Variants in ZNF320 observed in about 807,000 individuals in gnomAD.
ZNF320 encodes zinc finger gene 320.
A neutral mutation model predicts 6.8 loss-of-function variants in ZNF320; 2 were observed. The ratio of observed to expected loss-of-function variants is 0.29; its 90% CI spans 0.12 to 0.93. ZNF320 has a LOEUF of 0.93. Among genes scored for constraint, ZNF320 ranks in the 40% least tolerant of loss-of-function variants. The pLI is 0.55. For synonymous variants in ZNF320, 208 were observed against 203.2 expected (o/e 1.02, Z -0.20); for missense variants, 472 against 611.0 (o/e 0.77, Z 2.40).
At chr19:52,885,725 AAAT>A (rs1476993667) in intron 5 of ZNF320, among the ~76,000 whole-genome samples, 1 of 150,298 alleles carries the variant, frequency 6.7e-6, no homozygotes, top group African/African-American at 2.4e-5. Flanking sequence ...TCAAAAAAAT[AAAT>A]AAATAAATAA....
chr19:52,889,881 C>G (rs939058840), intron 4 of ZNF320, among the ~76,000 whole-genome samples: 1 of 152,108 alleles, frequency 6.6e-6, no homozygotes. Flanking sequence ...TATGTGACTT[C>G]CATTGGCAGC....
At chr19:52,899,606 G>A (rs1375605656), upstream of ZNF320, among the ~76,000 whole-genome samples, 1 of 152,082 alleles carries the variant, frequency 6.6e-6, no homozygotes, top group Non-Finnish European at 1.5e-5. Context: ...GGGACTACAG[G>A]TGCTGCCACC....
intron 1 of ZNF320, among the ~76,000 whole-genome samples, chr19:52,896,880 A>G (rs1470638881): frequency 6.6e-6 from 1 of 152,132 alleles, no homozygotes. Flanking sequence ...TCCTTCCACC[A>G]CGTCTCAGAA....
Position 52,876,977 on chromosome 19 carries a change from C to A in ZNF320, c.*3619G>T, listed in dbSNP as rs1445752218. On this transcript the variant is annotated 3_prime_UTR_variant, in exon 6 of 6. Coordinates refer to ENST00000682928, the MANE Select transcript of ZNF320 (RefSeq NM_001351774.2). Reference sequence around the variant, plus strand: ...CAAAAATTTGCCCGGTGCGGTGGCACCTGGCTATGGTCCTAGCAACTTTGG... The same window carrying A: ...CAAAAATTTGCCCGGTGCGGTGGCAACTGGCTATGGTCCTAGCAACTTTGG... The A allele has an allele frequency of 6.6e-6, 1 of 152,088 alleles. No homozygotes were observed. The highest frequency in any genetic ancestry group is 2.4e-5 in the African/African-American group (1 of 41,406). The allele number at this position is 152,088 out of a possible 1,614,324, so 9.4% of individuals were successfully genotyped here. A position where few individuals can be genotyped will look rare whatever the true frequency, so the allele number is the denominator to read the frequency against.
upstream of ZNF320, among the ~76,000 whole-genome samples, chr19:52,899,011 A>G (rs568727932): frequency 4.1e-4 from 62 of 152,060 alleles, no homozygotes; most frequent in Non-Finnish European, 7.1e-4. Context: ...CTTCTTTTTG[A>G]GAGTCTCACT....
chr19:52,866,371 G>T (rs1311293207), intron 5 of ZNF320, among the ~76,000 whole-genome samples: 1 of 151,564 alleles, frequency 6.6e-6, no homozygotes, highest in Admixed American at 6.6e-5. Flanking sequence ...AACCCCTCCT[G>T]CAGGAACCCT....
At chr19:52,871,040 G>A (rs776443811) in intron 5 of ZNF320, among the ~76,000 whole-genome samples, 54 of 152,006 alleles carry the variant, frequency 3.6e-4, no homozygotes, top group East Asian at 1.9e-4. Context: ...CCAGCTACTC[G>A]GGAGGCTGAG....
In ZNF320 at chr19:52,881,457, G is replaced by T; in HGVS notation, c.669C>A (p.Gly223=). ...GGGTTGCTTTTTGATCAAAAACCTT[G>T]CCACATTCATTACATGTGTAATGTT... ...GDKHYTCNEC[G]KVFDQKATLA... Residue 223 remains glycine, a synonymous_variant, in exon 6 of 6, where the codon GGC becomes GGA. Coordinates refer to ENST00000682928, the MANE Select transcript of ZNF320 (RefSeq NM_001351774.2). 1 of 1,614,042 alleles carries T rather than the reference G, an allele frequency of 6.2e-7. No individual in the cohort carries two copies. Among genetic ancestry groups the T allele is most frequent in the Non-Finnish European group, 8.5e-7 (1 of 1,180,004 alleles).
chr19:52,879,913 A>G lies in ZNF320; in HGVS notation c.*683T>C, dbSNP rs2063862234. On this transcript the variant is annotated 3_prime_UTR_variant, in exon 6 of 6. Coordinates refer to ENST00000682928, the MANE Select transcript of ZNF320 (RefSeq NM_001351774.2). Reference sequence around the variant, plus strand: ...GAAGTTTCTACCTTCAAATCTACAAACATTGATCAAAGTGATAAAAACATG... The same window carrying G: ...GAAGTTTCTACCTTCAAATCTACAAGCATTGATCAAAGTGATAAAAACATG... The G allele has an allele frequency of 6.6e-6, 1 of 152,256 alleles. No homozygotes were observed. The highest frequency in any genetic ancestry group is 1.5e-5 in the Non-Finnish European group (1 of 68,046). 9.4% of individuals were successfully genotyped at this position (152,256 alleles called of 1,614,324 possible). A position where few individuals can be genotyped will look rare whatever the true frequency, so the allele number is the denominator to read the frequency against.
At chr19:52,883,242 A>G (rs1410212798) in intron 5 of ZNF320, among the ~76,000 whole-genome samples, 1 of 151,686 alleles carries the variant, frequency 6.6e-6, no homozygotes, top group African/African-American at 2.4e-5. Flanking sequence ...GGCTTTCACC[A>G]TGTTGGCCAG....
intron 5 of ZNF320, among the ~76,000 whole-genome samples, chr19:52,882,547 T>G (rs2063954390): frequency 6.6e-6 from 1 of 152,184 alleles, no homozygotes; most frequent in Non-Finnish European, 1.5e-5. Context: ...CTCAGGAGGC[T>G]TAGGCACAAG....
chr19:52,890,933 T>C (rs763860838), intron 3 of ZNF320, among the ~76,000 whole-genome samples: 2 of 151,948 alleles, frequency 1.3e-5, no homozygotes, highest in Non-Finnish European at 2.9e-5. Context: ...GGTGGATTAC[T>C]TGAGGTCAGG....
At chr19:52,860,601 A>AAAAAG (rs917786350), downstream of ZNF320, among the ~76,000 whole-genome samples, 1 of 151,724 alleles carries the variant, frequency 6.6e-6, no homozygotes, top group Non-Finnish European at 1.5e-5. Context: ...CGGCATCAAA[A>AAAAAG]AAAAAAAAAG....
At chr19:52,893,464 G>A (rs566764589) in intron 2 of ZNF320, 21 of 151,978 alleles carry the variant, frequency 1.4e-4, no homozygotes, top group African/African-American at 1.9e-4. Flanking sequence ...TTTGGCCAGC[G>A]TGGTGAAACC....
At chr19:52,900,708 ATT>A (rs113798357), upstream of ZNF320, among the ~76,000 whole-genome samples, 12 of 147,776 alleles carry the variant, frequency 8.1e-5, no homozygotes, top group South Asian at 2.1e-4. Context: ...CTTAATTTAC[ATT>A]TTTTTTTTAA....
At chr19:52,893,525 T>A (rs1467215164) in intron 2 of ZNF320, 1 of 152,222 alleles carries the variant, frequency 6.6e-6, no homozygotes, top group Admixed American at 6.5e-5. Flanking sequence ...CACGCCCCTG[T>A]TGTCCCAGCT....
At chr19:52,868,512 A>C (rs1408981140) in intron 5 of ZNF320, among the ~76,000 whole-genome samples, 1 of 152,054 alleles carries the variant, frequency 6.6e-6, no homozygotes, top group East Asian at 1.9e-4. Flanking sequence ...GTCAAAAAAA[A>C]AAAAAAATCT....
rs778571033 is a variant in ZNF320 at position 52,879,790 on chromosome 19, A to C, written c.*806T>G. On this transcript the variant is annotated 3_prime_UTR_variant, in exon 6 of 6. Transcript: ENST00000682928. ...CCAAAAATTAGTTGAATTTCCATAC[A>C]TTAACAATAAACAATTTAAAAAGAA... 1 of 152,236 alleles carries C rather than the reference A, an allele frequency of 6.6e-6. No homozygotes were observed. Among genetic ancestry groups the C allele is most frequent in the Non-Finnish European group, 1.5e-5 (1 of 68,046 alleles). 9.4% of individuals were successfully genotyped at this position (152,236 alleles called of 1,614,324 possible).
At chr19:52,889,795 TATA>T (rs2064228469) in intron 4 of ZNF320, among the ~76,000 whole-genome samples, 1 of 152,230 alleles carries the variant, frequency 6.6e-6, no homozygotes, top group Admixed American at 6.5e-5. Context: ...AAAAATGTAC[TATA>T]ATGTCAGGCA....
Sources: allele counts gnomAD v4.1 joint callset (sites outside exome capture counted in the v4.1 genomes callset), GRCh38; gene constraint gnomAD v4.1.1; transcripts MANE v1.5; gene names NCBI Gene and HGNC (gene_info 2026-07-23, HGNC 2026-07-21).